Variants in MINDY4 observed in about 807,000 individuals in gnomAD.
The protein encoded by MINDY4 is MINDY lysine 48 deubiquitinase 4.
A neutral mutation model predicts 87.0 loss-of-function variants in MINDY4; 68 were observed. The ratio of observed to expected loss-of-function variants is 0.78; its 90% CI spans 0.64 to 0.96. The LOEUF (loss-of-function observed/expected upper bound fraction) is 0.96. Among genes scored for constraint, MINDY4 ranks in the 40% least tolerant of loss-of-function variants. The pLI is 0.00. For synonymous variants in MINDY4, 379 were observed against 363.2 expected (o/e 1.04, Z -0.50); for missense variants, 919 against 928.2 (o/e 0.99, Z 0.13).
At chr7:30,880,908 G>A (rs1307031000) in intron 15 of MINDY4, among the ~76,000 whole-genome samples, 1 of 152,138 alleles carries the variant, frequency 6.6e-6, no homozygotes, top group African/African-American at 2.4e-5. Flanking sequence ...CTGGGGACCT[G>A]GTTCAGGACC....
chr7:30,890,404 C>T (rs1223519696), intron 17 of MINDY4, among the ~76,000 whole-genome samples: 1 of 152,184 alleles, frequency 6.6e-6, no homozygotes, highest in African/African-American at 2.4e-5. Context: ...GAGGAGAATG[C>T]AATATTAATT....
intron 5 of MINDY4, among the ~76,000 whole-genome samples, chr7:30,826,796 C>G (rs988113031): frequency 6.6e-6 from 1 of 152,204 alleles, no homozygotes; most frequent in Admixed American, 6.5e-5. Flanking sequence ...CTTCATAAAC[C>G]TGTTCTGAGA....
At position 30,845,176 on chromosome 7, in the gene MINDY4, A is replaced by G. The variant is rs533251948; in HGVS notation, c.1445+4328A>G. ...GACTTCCATCGCTGGACACCCACAC[A>G]GACTCCTAGGGACCAAGGGGTGGCT... On this transcript the variant is annotated intron_variant, in intron 9 of 17. Coordinates refer to ENST00000265299, the MANE Select transcript of MINDY4 (RefSeq NM_032222.3). Among the ~76,000 whole-genome samples, 10 of 152,264 alleles carry G rather than the reference A, an allele frequency of 6.6e-5. No homozygotes were observed. In the South Asian group the frequency reaches 1.9e-3, roughly 28 times the overall value.
At position 30,882,148 on chromosome 7, in the gene MINDY4, C is replaced by T. The variant is rs117858355; in HGVS notation, c.1972-33C>T. 507 of 1,566,986 alleles carry T rather than the reference C, an allele frequency of 3.2e-4. 3 individuals are homozygous for T. In the East Asian group the frequency reaches 7.1e-3, roughly 22 times the overall value. On this transcript the variant is annotated intron_variant, in intron 15 of 17. Transcript: ENST00000265299. Reference sequence around the variant, plus strand: ...ATGCCCGGACCCCTTTCCCTGGGGACGGCATTTCACATCAGGCCTCTCCCT... The same window carrying T: ...ATGCCCGGACCCCTTTCCCTGGGGATGGCATTTCACATCAGGCCTCTCCCT...
intron 16 of MINDY4, 79 bp from the exon 17 acceptor site, chr7:30,882,842 C>A (rs931791775): frequency 7.6e-6 from 10 of 1,319,326 alleles, no homozygotes; most frequent in Non-Finnish European, 1.1e-5. Flanking sequence ...GGGGGCGGGT[C>A]TCGGGAGTGG....
intron 10 of MINDY4, among the ~76,000 whole-genome samples, chr7:30,851,631 G>A (rs1290978993): frequency 1.3e-5 from 2 of 152,164 alleles, no homozygotes; most frequent in Non-Finnish European, 2.9e-5. Flanking sequence ...GGATCTGCAG[G>A]GCAGCCCTGA....
chr7:30,788,038 A>G (rs1041584052), intron 4 of MINDY4, among the ~76,000 whole-genome samples: 1 of 152,258 alleles, frequency 6.6e-6, no homozygotes, highest in Non-Finnish European at 1.5e-5. Context: ...ACAAAAAATT[A>G]GTGACATGAG....
intron 17 of MINDY4, among the ~76,000 whole-genome samples, chr7:30,888,397 ATTACCCAGCCAAAATGCC>A (rs1426110822): frequency 6.6e-6 from 1 of 152,218 alleles, no homozygotes; most frequent in Admixed American, 6.5e-5. Flanking sequence ...ACAACAAAGA[ATTACCCAGCCAAAATGCC>A]TTAGGTACCG....
chr7:30,860,019 G>T (rs543005463), intron 13 of MINDY4, among the ~76,000 whole-genome samples: 7 of 152,146 alleles, frequency 4.6e-5, no homozygotes, highest in African/African-American at 2.4e-5. Flanking sequence ...GATTAATAGC[G>T]CATGAACGGT....
In MINDY4 at chr7:30,828,663, A is replaced by G. The variant is rs543309683; in HGVS notation, c.1074-16A>G. 6.2e-7 allele frequency: 1 copy of G among 1,613,564 alleles called. No individual in the cohort carries two copies. Among genetic ancestry groups the G allele is most frequent in the South Asian group, 1.1e-5 (1 of 91,066 alleles). On this transcript the variant is annotated splice_polypyrimidine_tract_variant and intron_variant, in intron 5 of 17. Coordinates refer to ENST00000265299, the MANE Select transcript of MINDY4 (RefSeq NM_032222.3). ...TGTCAGTCTCCTCTGGTACATTGATATTTTCTATTTTCCAGGAAAAATCAG... is the reference window on the plus strand; with the variant it reads ...TGTCAGTCTCCTCTGGTACATTGATGTTTTCTATTTTCCAGGAAAAATCAG...
chr7:30,856,818 CA>C (rs1277106992), intron 12 of MINDY4, among the ~76,000 whole-genome samples: 1 of 151,526 alleles, frequency 6.6e-6, no homozygotes, highest in Admixed American at 6.6e-5. Context: ...AGAGCTGGTA[CA>C]AGGGACTGGT....
chr7:30,831,752 A>G (rs111960442), intron 6 of MINDY4, among the ~76,000 whole-genome samples: 5,719 of 152,294 alleles, frequency 0.038, 144 homozygotes, highest in Middle Eastern at 0.092. Context: ...CATTCTCCCT[A>G]TGGAATCTTC....
intron 13 of MINDY4, among the ~76,000 whole-genome samples, chr7:30,863,947 A>G (rs1412996474): frequency 6.6e-6 from 1 of 152,246 alleles, no homozygotes; most frequent in Non-Finnish European, 1.5e-5. Context: ...AAGGATGCTC[A>G]GGGTCCTGGG....
intron 15 of MINDY4, 31 bp from the exon 16 acceptor site, chr7:30,882,150 G>A (rs766068730): frequency 2.5e-6 from 4 of 1,571,412 alleles, no homozygotes; most frequent in East Asian, 2.3e-5. Context: ...CCTGGGGACG[G>A]CATTTCACAT....
At chr7:30,784,807 C>G (rs1438245109) in intron 3 of MINDY4, among the ~76,000 whole-genome samples, 1 of 152,172 alleles carries the variant, frequency 6.6e-6, no homozygotes, top group Non-Finnish European at 1.5e-5. Context: ...GCCTCTTCCT[C>G]TGCCTGACAT....
intron 2 of MINDY4, chr7:30,779,947 A>G (rs1230676258): frequency 6.6e-6 from 1 of 152,236 alleles, no homozygotes; most frequent in East Asian, 1.9e-4. Context: ...GGCATCTCTC[A>G]ATAAAGTAAA....
At chr7:30,803,695 T>G (rs1001753365) in intron 5 of MINDY4, among the ~76,000 whole-genome samples, 1 of 152,182 alleles carries the variant, frequency 6.6e-6, no homozygotes, top group South Asian at 2.1e-4. Flanking sequence ...GTTTTGTTTT[T>G]GGGGTAGGGG....
At chr7:30,866,328 G>A (rs936179777) in intron 13 of MINDY4, among the ~76,000 whole-genome samples, 27 of 152,330 alleles carry the variant, frequency 1.8e-4, no homozygotes, top group Admixed American at 3.3e-4. Context: ...CTGCTGAAAG[G>A]GTCTCCTGTG....
chr7:30,888,147 AC>A (rs2128583539), intron 17 of MINDY4, among the ~76,000 whole-genome samples: 1 of 152,008 alleles, frequency 6.6e-6, no homozygotes, highest in South Asian at 2.1e-4. Context: ...GCAGGTAACC[AC>A]CCCTCTGTTG....
Sources: allele counts gnomAD v4.1 joint callset (sites outside exome capture counted in the v4.1 genomes callset), GRCh38; gene constraint gnomAD v4.1.1; transcripts MANE v1.5; gene names NCBI Gene and HGNC (gene_info 2026-07-23, HGNC 2026-07-21).